The following KCTD16 variants were observed in gnomAD, a reference collection of about 807,000 sequenced individuals.
KCTD16 encodes the protein BTB/POZ domain-containing protein KCTD16.
KCTD16 carries 13 observed loss-of-function variants against 33.2 expected under a neutral mutation model. The ratio of observed to expected loss-of-function variants is 0.39; its 90% CI spans 0.25 to 0.62. KCTD16 has a LOEUF of 0.62. KCTD16 is among the 20% of genes least tolerant of loss of function. KCTD16 has a pLI of 0.50. For missense variants in KCTD16, 441 were observed against 525.1 expected (o/e 0.84, Z 1.57); for synonymous variants, 197 against 195.3 (o/e 1.01, Z -0.07).
chr5:144,194,096 T>C (rs1752895267), intron 2 of KCTD16, among the ~76,000 whole-genome samples: 1 of 152,176 alleles, frequency 6.6e-6, no homozygotes, highest in African/African-American at 2.4e-5. Flanking sequence ...GTCATTTGCA[T>C]ACAGTGAAGA....
At position 144,244,749 on chromosome 5, in the gene KCTD16, C is replaced by T. The variant is rs73794916; in HGVS notation, c.832+37203C>T. On this transcript the variant is annotated intron_variant, in intron 3 of 3. Transcript: ENST00000512467. ...TCTCACTTTCCCTAGACTGATCTGC[C>T]AGGAGCCTTTTGTGGTCAGAATTCT... Among the ~76,000 whole-genome samples the T allele has an allele frequency of 3.4e-3, 522 of 152,256 alleles. 4 individuals carry two copies. Among genetic ancestry groups the T allele is most frequent in the African/African-American group, 0.012 (489 of 41,548 alleles).
intron 3 of KCTD16, among the ~76,000 whole-genome samples, chr5:144,278,403 T>G (rs564948034): frequency 7.9e-5 from 12 of 151,958 alleles, no homozygotes; most frequent in African/African-American, 2.9e-4. Context: ...TACTGTCGTG[T>G]TAAAGTGTTA....
chr5:144,410,932 G>A (rs1752918506), intron 3 of KCTD16, among the ~76,000 whole-genome samples: 2 of 152,046 alleles, frequency 1.3e-5, no homozygotes, highest in Non-Finnish European at 2.9e-5. Context: ...ATATGTTAAA[G>A]TCCTAACCCC....
chr5:144,242,556 T>A (rs907161773), intron 3 of KCTD16, among the ~76,000 whole-genome samples: 1 of 152,184 alleles, frequency 6.6e-6, no homozygotes, highest in Non-Finnish European at 1.5e-5. Flanking sequence ...ATTGTCTTAG[T>A]CCATTTTGTG....
At chr5:144,199,841 C>T (rs1010404645) in intron 2 of KCTD16, among the ~76,000 whole-genome samples, 3 of 151,218 alleles carry the variant, frequency 2.0e-5, no homozygotes, top group Non-Finnish European at 2.9e-5. Context: ...TTCAGCCTCC[C>T]GTAGCTGGGA....
rs192301496 is a variant in KCTD16 at position 144,299,196 on chromosome 5, G to A, written c.832+91650G>A. Among the ~76,000 whole-genome samples, 26 of 121,962 alleles carry A rather than the reference G, an allele frequency of 2.1e-4. No homozygotes were observed. In the East Asian group the frequency reaches 4.0e-3, roughly 19 times the overall value. 80.0% of individuals were successfully genotyped at this position (121,962 alleles called of 152,430 possible). A position where few individuals can be genotyped will look rare whatever the true frequency, so the allele number is the denominator to read the frequency against. On this transcript the variant is annotated intron_variant, in intron 3 of 3. Transcript: ENST00000512467. ...GTCACTGAGCTGTTTAATGTTGCCC[G>A]GAGTTCCTGTGCAATATACCACTAA...
At chr5:144,207,691 T>C (rs926787031) in intron 3 of KCTD16, 145 bp downstream of exon 3, 5 of 686,168 alleles carry the variant, frequency 7.3e-6, no homozygotes, top group African/African-American at 1.8e-5. Flanking sequence ...TTAGAGGTTA[T>C]AATTCAGCTC....
At chr5:144,257,120 C>T (rs1304351969) in intron 3 of KCTD16, among the ~76,000 whole-genome samples, 1 of 152,202 alleles carries the variant, frequency 6.6e-6, no homozygotes. Context: ...TGTATCCCTA[C>T]TAACTGGTGA....
chr5:144,324,417 C>A (rs888706603), intron 3 of KCTD16, among the ~76,000 whole-genome samples: 2 of 152,204 alleles, frequency 1.3e-5, no homozygotes, highest in Non-Finnish European at 2.9e-5. Flanking sequence ...ATTAAAAAGT[C>A]AAGAACCAAC....
intron 3 of KCTD16, among the ~76,000 whole-genome samples, chr5:144,403,891 A>G (rs1373184005): frequency 6.6e-6 from 1 of 152,098 alleles, no homozygotes; most frequent in Non-Finnish European, 1.5e-5. Flanking sequence ...CTCCACCCCC[A>G]TTCTATTTGG....
chr5:144,408,051 A>G (rs7731939), intron 3 of KCTD16, among the ~76,000 whole-genome samples: 4,342 of 152,334 alleles, frequency 0.029, 214 homozygotes, highest in African/African-American at 0.099. Flanking sequence ...TCCTTTGGAT[A>G]TATACCCAGT....
intron 3 of KCTD16, among the ~76,000 whole-genome samples, chr5:144,373,169 G>C (rs915640429): frequency 2.5e-4 from 38 of 152,090 alleles, no homozygotes; most frequent in Non-Finnish European, 4.7e-4. Context: ...CAGACAGGAA[G>C]CAGGACTGGC....
chr5:144,399,597 A>C (rs998774510), intron 3 of KCTD16, among the ~76,000 whole-genome samples: 1 of 152,208 alleles, frequency 6.6e-6, no homozygotes, highest in African/African-American at 2.4e-5. Context: ...AAAATGTTAA[A>C]ATATATTTCA....
Position 144,479,198 on chromosome 5 carries a change from T to A in KCTD16, c.*5084T>A, listed in dbSNP as rs971858686. 1 of 151,754 alleles carries A rather than the reference T, an allele frequency of 6.6e-6. No homozygotes were observed. Among genetic ancestry groups the A allele is most frequent in the Non-Finnish European group, 1.5e-5 (1 of 67,880 alleles). The allele number at this position is 151,754 out of a possible 1,614,324, so 9.4% of individuals were successfully genotyped here. ...AAATATAACCAAAATGAATATGGAA[T>A]GATTAGTGAATTCAGCTATATTTAA... On this transcript the variant is annotated 3_prime_UTR_variant, in exon 4 of 4. Transcript: ENST00000512467.
chr5:144,471,244 T>C (rs1258417147), intron 3 of KCTD16, among the ~76,000 whole-genome samples: 1 of 152,170 alleles, frequency 6.6e-6, no homozygotes, highest in Non-Finnish European at 1.5e-5. Flanking sequence ...GACTCAAGTT[T>C]CCTTCTGGGT....
chr5:144,413,583 A>G (rs1184983192), intron 3 of KCTD16, among the ~76,000 whole-genome samples: 2 of 152,206 alleles, frequency 1.3e-5, no homozygotes, highest in Non-Finnish European at 2.9e-5. Context: ...TCCACCCCCA[A>G]CAATGCTACA....
chr5:144,417,616 G>A (rs1753092393), intron 3 of KCTD16, among the ~76,000 whole-genome samples: 1 of 152,030 alleles, frequency 6.6e-6, no homozygotes, highest in African/African-American at 2.4e-5. Flanking sequence ...TTTTTGATGA[G>A]ATACAATTTA....
At chr5:144,407,238 T>G (rs1422640067) in intron 3 of KCTD16, among the ~76,000 whole-genome samples, 1 of 149,018 alleles carries the variant, frequency 6.7e-6, no homozygotes, top group Non-Finnish European at 1.5e-5. Flanking sequence ...ATCAACTAAA[T>G]TTTAGGTTGA....
At chr5:144,310,004 A>G (rs751280954) in intron 3 of KCTD16, among the ~76,000 whole-genome samples, 2 of 150,240 alleles carry the variant, frequency 1.3e-5, no homozygotes, top group African/African-American at 2.4e-5. Flanking sequence ...CTTTCCAACT[A>G]TGTTTTGTTT....
Sources: gnomAD v4.1 joint callset for allele counts (sites outside exome capture counted in the v4.1 genomes callset) on GRCh38, gnomAD v4.1.1 for gene constraint, MANE v1.5 for transcripts, NCBI Gene and HGNC (gene_info 2026-07-23, HGNC 2026-07-21) for gene names.